The following PFKM variants were observed in gnomAD, a reference collection of about 807,000 sequenced individuals.
The protein encoded by PFKM is ATP-dependent 6-phosphofructokinase, muscle type.
A neutral mutation model predicts 95.5 loss-of-function variants in PFKM; 58 were observed. The ratio of observed to expected loss-of-function variants is 0.61; its 90% CI spans 0.49 to 0.76. PFKM has a LOEUF of 0.76. Among genes scored for constraint, PFKM ranks in the 30% least tolerant of loss-of-function variants. The pLI, the probability that PFKM is intolerant of heterozygous loss-of-function variation, is 0.00. For synonymous variants in PFKM, 336 were observed against 357.2 expected (o/e 0.94, Z 0.67); for missense variants, 678 against 1,005.4 (o/e 0.67, Z 4.40).
chr12:48,135,134 T>C, intron 9 of PFKM, 96 bp downstream of exon 9: 1 of 1,127,460 alleles, frequency 8.9e-7, no homozygotes, highest in South Asian at 1.3e-5. Flanking sequence ...TTGGTCCTTC[T>C]GCACATCTCT....
chr12:48,142,972 G>A (rs1950704485), intron 18 of PFKM, 26 bp downstream of exon 18: 1 of 1,606,482 alleles, frequency 6.2e-7, no homozygotes, highest in Non-Finnish European at 8.5e-7. Flanking sequence ...GAGCCTGCTA[G>A]ATAGCTCTCC....
intron 11 of PFKM, among the ~76,000 whole-genome samples, chr12:48,138,777 A>G (rs1950325466): frequency 1.3e-5 from 2 of 152,202 alleles, no homozygotes; most frequent in African/African-American, 4.8e-5. Context: ...GCATAGTGCC[A>G]GGCACGGTGG....
At chr12:48,113,176 C>G (rs538319000) in intron 3 of PFKM, among the ~76,000 whole-genome samples, 3 of 152,058 alleles carry the variant, frequency 2.0e-5, no homozygotes, top group African/African-American at 7.2e-5. Flanking sequence ...CAAGTTGTCA[C>G]GAGAGTTGGG....
At position 48,134,969 on chromosome 12, in the gene PFKM, C is replaced by T. The variant is rs894740706; in HGVS notation, c.774C>T (p.Asn258=). The part of the protein sequence containing the change: ...SETRTRGSRL[N]IIIVAEGAID... The stretch of plus-strand genomic sequence containing the variant: ...CAAGGACCCGTGGTTCTCGTCTCAA[C>T]ATCATCATTGTGGCTGAGGGTGCAA... Residue 258 remains asparagine, a synonymous_variant, in exon 9 of 23, where the codon AAC becomes AAT. Transcript: ENST00000359794. 2 of 1,614,068 alleles carry T rather than the reference C, an allele frequency of 1.2e-6. No individual in the cohort carries two copies. The highest frequency in any genetic ancestry group is 2.2e-5 in the South Asian group (2 of 91,078).
intron 7 of PFKM, 67 bp from the exon 8 acceptor site, chr12:48,134,654 G>C: frequency 9.0e-7 from 1 of 1,109,144 alleles, no homozygotes; most frequent in South Asian, 1.3e-5. Context: ...AGGAGAACTT[G>C]TTGGGTATGG....
chr12:48,145,067 A>G lies in PFKM; in HGVS notation c.2029A>G (p.Thr677Ala), dbSNP rs766780863. The change falls in exon 21 of 23, where the codon ACT (threonine) becomes GCT (alanine). Residue 677 changes from threonine (T) to alanine (A), a missense_variant. Transcript: ENST00000359794. The surrounding 1 kb of genome is among the most constrained non-coding windows in gnomAD (Gnocchi z 4.3). ...AACCCCATTTGATAGGAATTTTGCC[A>G]CTAAGATGGGCGCCAAGGCTATGAA... ...SPTPFDRNFA[T>A]KMGAKAMNWM... The G allele has an allele frequency of 3.1e-6, 5 of 1,614,148 alleles. No homozygotes were observed. In the South Asian group the frequency reaches 5.5e-5, roughly 18 times the overall value.
chr12:48,137,671 A>C (rs774148859), intron 10 of PFKM, 50 bp from the exon 11 acceptor site: 4 of 1,613,136 alleles, frequency 2.5e-6, no homozygotes, highest in Non-Finnish European at 2.5e-6. Flanking sequence ...AGGCTGAGCC[A>C]AGATGGGGCA....
At chr12:48,140,360 G>C (rs1310921519) in intron 13 of PFKM, among the ~76,000 whole-genome samples, 2 of 152,172 alleles carry the variant, frequency 1.3e-5, no homozygotes, top group Non-Finnish European at 2.9e-5. Context: ...TCATATCTGG[G>C]TAGAGGCCAG....
intron 2 of PFKM, among the ~76,000 whole-genome samples, chr12:48,129,408 C>T (rs910334892): frequency 6.6e-6 from 1 of 151,524 alleles, no homozygotes; most frequent in East Asian, 1.9e-4. Context: ...GAATGATTTA[C>T]AGTATACTTT....
upstream of PFKM, among the ~76,000 whole-genome samples, chr12:48,118,262 T>G (rs1947851251): frequency 6.6e-6 from 1 of 152,176 alleles, no homozygotes; most frequent in South Asian, 2.1e-4. Flanking sequence ...GCTTATAATT[T>G]TATTTTTGGT....
rs149738911 is a variant in PFKM at position 48,145,965 on chromosome 12, A to G, written c.*257A>G. On this transcript the variant is annotated 3_prime_UTR_variant, in exon 23 of 23. Transcript: ENST00000359794. The surrounding 1 kb of genome is among the most constrained non-coding windows in gnomAD (Gnocchi z 4.3). ...TGGGCACCTCTAGTGCTACTGCTAG[A>G]TATCACTTACTCAGTTAGAATTTTC... The G allele has an allele frequency of 2.1e-5, 11 of 517,892 alleles. No homozygotes were observed. In the East Asian group the frequency reaches 3.3e-4, roughly 16 times the overall value. The allele number at this position is 517,892 out of a possible 1,614,324, so 32.1% of individuals were successfully genotyped here.
chr12:48,107,969 A>C, intron 2 of PFKM: 1 of 1,143,844 alleles, frequency 8.7e-7, no homozygotes, highest in South Asian at 1.7e-5. Context: ...TTTGGAAAGA[A>C]AGCCCTGGAC....
Position 48,146,142 on chromosome 12 carries a change from G to A in PFKM, c.*434G>A, listed in dbSNP as rs1951024718. The A allele has an allele frequency of 4.3e-6, 1 of 234,820 alleles. No individual in the cohort carries two copies. Among genetic ancestry groups the A allele is most frequent in the Non-Finnish European group, 8.5e-6 (1 of 117,314 alleles). 14.5% of individuals were successfully genotyped at this position (234,820 alleles called of 1,614,324 possible). On this transcript the variant is annotated 3_prime_UTR_variant, in exon 23 of 23. Coordinates refer to ENST00000359794, the MANE Select transcript of PFKM (RefSeq NM_000289.6). Reference sequence around the variant, plus strand: ...CTGTTATCATCTTCCTAAGTGGAATGTAATACTGTCAGCCCCATGTATCAG... The same window carrying A: ...CTGTTATCATCTTCCTAAGTGGAATATAATACTGTCAGCCCCATGTATCAG...
intron 10 of PFKM, among the ~76,000 whole-genome samples, chr12:48,135,918 T>G (rs1386672861): frequency 1.2e-4 from 9 of 76,342 alleles, no homozygotes; most frequent in Admixed American, 3.5e-4. Context: ...AGACGCACCA[T>G]TGCACTCGCT....
At chr12:48,106,119 G>C (rs1045686477) in exon 1 of PFKM, 2 of 702,688 alleles carry the variant, frequency 2.8e-6, no homozygotes, top group Non-Finnish European at 5.2e-6. Context: ...CGCCTTCACA[G>C]CACCGGAAGA....
At chr12:48,116,518 G>A (rs774084596), upstream of PFKM, among the ~76,000 whole-genome samples, 4 of 151,978 alleles carry the variant, frequency 2.6e-5, no homozygotes, top group Non-Finnish European at 2.9e-5. Flanking sequence ...TCACTCTGTC[G>A]CCCAGGGTGG....
chr12:48,124,550 C>T (rs11168421), intron 2 of PFKM, among the ~76,000 whole-genome samples: 1 of 152,002 alleles, frequency 6.6e-6, no homozygotes, highest in Non-Finnish European at 1.5e-5. Context: ...ACTTGGGTCT[C>T]AGAGCAGCAG....
At chr12:48,135,919 T>C (rs79336782) in intron 10 of PFKM, among the ~76,000 whole-genome samples, 1 of 76,094 alleles carries the variant, frequency 1.3e-5, no homozygotes, top group African/African-American at 5.0e-5. Context: ...GACGCACCAT[T>C]GCACTCGCTC....
At position 48,133,327 on chromosome 12, in the gene PFKM, A is replaced by T. The variant is rs1949717792; in HGVS notation, c.440A>T (p.Asp147Val). The T allele has an allele frequency of 6.2e-7, 1 of 1,613,970 alleles. No individual in the cohort carries two copies. Among genetic ancestry groups the T allele is most frequent in the Non-Finnish European group, 8.5e-7 (1 of 1,179,990 alleles). Residue 147 changes from aspartate to valine, a missense_variant, in exon 6 of 23, where the codon GAT becomes GTT. Coordinates refer to ENST00000359794, the MANE Select transcript of PFKM (RefSeq NM_000289.6). ...TTCTCATTGTCAGGTAAGATCACAG[A>T]TGAGGAGGCTACGAAGTCCAGCTAC... is the stretch of plus-strand genomic sequence containing the variant. The part of the protein sequence containing the change: ...SDLQKAGKIT[D>V]EEATKSSYLN...
Sources: allele counts gnomAD v4.1 joint callset (sites outside exome capture counted in the v4.1 genomes callset), GRCh38; gene constraint gnomAD v4.1.1; non-coding constraint Gnocchi (gnomAD v3.1); transcripts MANE v1.5; gene names NCBI Gene and HGNC (gene_info 2026-07-23, HGNC 2026-07-21).